The following ATP10B variants were observed in gnomAD, a reference collection of about 807,000 sequenced individuals.
The protein encoded by ATP10B is ATPase phospholipid transporting 10B (putative).
Under a neutral mutation model 141.2 loss-of-function variants are expected in ATP10B, and 122 were observed. The ratio of observed to expected loss-of-function variants is 0.86; its 90% CI spans 0.75 to 1.00. The LOEUF is 1.00. Ranked by LOEUF, ATP10B falls within the 50% of genes least tolerant of loss-of-function variation. The probability of loss-of-function intolerance (pLI) is 0.00; values close to 1 mark genes in which losing one functional copy is unlikely to be tolerated. For missense variants in ATP10B, 1,876 were observed against 1,825.3 expected (o/e 1.03, Z -0.51); for synonymous variants, 685 against 692.0 (o/e 0.99, Z 0.16).
chr5:160,590,217 AACTCCAGAGT>A (rs1756193666), intron 23 of ATP10B, among the ~76,000 whole-genome samples: 1 of 152,114 alleles, frequency 6.6e-6, no homozygotes, highest in Non-Finnish European at 1.5e-5. Context: ...CGGTTTGTAG[AACTCCAGAGT>A]CCTACATTGT....
the ATP10B span, among the ~76,000 whole-genome samples, chr5:160,870,009 C>A: frequency 6.6e-6 from 1 of 152,136 alleles, no homozygotes; most frequent in Non-Finnish European, 1.5e-5. Flanking sequence ...GGCCTGCCCT[C>A]AGAGGAGGTT....
chr5:160,873,599 T>G, the ATP10B span, among the ~76,000 whole-genome samples: 1 of 152,152 alleles, frequency 6.6e-6, no homozygotes, highest in Non-Finnish European at 1.5e-5. Context: ...AGACGGGTGA[T>G]TTCTGCATTT....
the ATP10B span, among the ~76,000 whole-genome samples, chr5:160,926,063 C>G: frequency 6.6e-6 from 1 of 152,228 alleles, no homozygotes; most frequent in Non-Finnish European, 1.5e-5. Context: ...GCATTCTAAT[C>G]TGGGTTCTAT....
At chr5:160,870,281 A>AC in the ATP10B span, among the ~76,000 whole-genome samples, 1 of 152,094 alleles carries the variant, frequency 6.6e-6, no homozygotes, top group Non-Finnish European at 1.5e-5. Context: ...CTCTTCCCAT[A>AC]CCTTGCTAGT....
the ATP10B span, among the ~76,000 whole-genome samples, chr5:160,875,055 G>A: frequency 1.1e-5 from 1 of 90,040 alleles, no homozygotes; most frequent in Non-Finnish European, 2.5e-5. Flanking sequence ...TACTCCTCGA[G>A]AAGAGCAACT....
chr5:160,657,550 G>T (rs1160508757), intron 7 of ATP10B, among the ~76,000 whole-genome samples: 1 of 152,148 alleles, frequency 6.6e-6, no homozygotes, highest in African/African-American at 2.4e-5. Context: ...ATTTTTTACA[G>T]TTTGAGTTCC....
intron 3 of ATP10B, among the ~76,000 whole-genome samples, chr5:160,701,041 T>C (rs898647873): frequency 2.0e-4 from 31 of 152,164 alleles, no homozygotes; most frequent in African/African-American, 7.5e-4. Context: ...TCTGGACCCA[T>C]TGCCACACAC....
At chr5:160,738,130 T>G (rs1767244766) in intron 2 of ATP10B, among the ~76,000 whole-genome samples, 1 of 152,020 alleles carries the variant, frequency 6.6e-6, no homozygotes, top group Non-Finnish European at 1.5e-5. Flanking sequence ...TTAATAGCAA[T>G]AAGGTATCCA....
In ATP10B at chr5:160,649,273, T is replaced by A. The variant is rs1232309973; in HGVS notation, c.676-17A>T. 6 of 1,588,190 alleles carry A rather than the reference T, an allele frequency of 3.8e-6. No homozygotes were observed. In the African/African-American group the frequency reaches 8.1e-5, roughly 21 times the overall value. ...CTGTACCTCCTGTGAGAGAGAGGAC[T>A]CTGTGAGTTTATTAATTCAGAGGGA... On this transcript the variant is annotated splice_polypyrimidine_tract_variant and intron_variant, in intron 7 of 25. Coordinates refer to ENST00000327245, the MANE Select transcript of ATP10B (RefSeq NM_025153.3).
intron 13 of ATP10B, among the ~76,000 whole-genome samples, chr5:160,631,017 T>C (rs2127661020): frequency 6.6e-6 from 1 of 152,378 alleles, no homozygotes; most frequent in East Asian, 1.9e-4. Flanking sequence ...AATTGATATG[T>C]ACCATGATTA....
intron 6 of ATP10B, among the ~76,000 whole-genome samples, chr5:160,674,508 T>G (rs1196297920): frequency 6.6e-6 from 1 of 152,254 alleles, no homozygotes; most frequent in Non-Finnish European, 1.5e-5. Context: ...CATTACTTGC[T>G]GGATCCCAAG....
chr5:160,678,413 C>T (rs1413632956), intron 6 of ATP10B, among the ~76,000 whole-genome samples: 4 of 152,168 alleles, frequency 2.6e-5, no homozygotes, highest in Admixed American at 6.5e-5. Flanking sequence ...AATACCAGCA[C>T]TTTGGGAGAC....
the ATP10B span, among the ~76,000 whole-genome samples, chr5:160,921,066 C>T: frequency 3.3e-5 from 5 of 152,154 alleles, no homozygotes; most frequent in East Asian, 1.9e-4. Context: ...CCACCTTCCC[C>T]GCTATGGTCC....
At chr5:160,651,905 C>A (rs1215810746) in intron 7 of ATP10B, among the ~76,000 whole-genome samples, 1 of 152,058 alleles carries the variant, frequency 6.6e-6, no homozygotes, top group Non-Finnish European at 1.5e-5. Flanking sequence ...GCTTTCATGC[C>A]CCTGATTAAG....
rs762677197 is a variant in ATP10B at position 160,612,729 on chromosome 5, G to A, written c.2838+12C>T. The A allele has an allele frequency of 3.7e-6, 6 of 1,608,854 alleles. No individual in the cohort carries two copies. In the Admixed American group the frequency reaches 6.7e-5, roughly 18 times the overall value. ...TGATATCTGCAGATATCAATACAGA[G>A]AATCACCTCACCTGATTCTCTGTAT... On this transcript the variant is annotated intron_variant, in intron 18 of 25. Coordinates refer to ENST00000327245, the MANE Select transcript of ATP10B (RefSeq NM_025153.3).
At chr5:160,921,950 AAAG>A in the ATP10B span, among the ~76,000 whole-genome samples, 1 of 152,252 alleles carries the variant, frequency 6.6e-6, no homozygotes, top group Non-Finnish European at 1.5e-5. Context: ...ATGGAATGGC[AAAG>A]AAGAATAAAG....
intron 1 of ATP10B, among the ~76,000 whole-genome samples, chr5:160,812,942 A>G: frequency 6.6e-6 from 1 of 152,228 alleles, no homozygotes; most frequent in East Asian, 1.9e-4. Context: ...AAAGAAGACT[A>G]CCTCAAGGCA....
At chr5:160,853,962 T>A (rs970488123), upstream of ATP10B, among the ~76,000 whole-genome samples, 6 of 152,194 alleles carry the variant, frequency 3.9e-5, no homozygotes, top group African/African-American at 1.4e-4. Flanking sequence ...TGTATGTATT[T>A]GCATTTCTTA....
chr5:160,646,628 G>A (rs1167357159), intron 8 of ATP10B, among the ~76,000 whole-genome samples: 3 of 152,166 alleles, frequency 2.0e-5, no homozygotes, highest in African/African-American at 7.2e-5. Context: ...TAAGGAGGAG[G>A]CTGGCTGTGG....
Sources: allele counts gnomAD v4.1 joint callset (sites outside exome capture counted in the v4.1 genomes callset), GRCh38; gene constraint gnomAD v4.1.1; transcripts MANE v1.5; gene names NCBI Gene and HGNC (gene_info 2026-07-23, HGNC 2026-07-21).